Variants in PDE4B observed in about 807,000 individuals in gnomAD.
The protein encoded by PDE4B is 3',5'-cyclic-AMP phosphodiesterase 4B.
In PDE4B, 20 loss-of-function variants were observed where a neutral mutation model predicts 82.2. That is an observed-to-expected ratio of 0.24 (90% CI 0.17 to 0.35). The LOEUF is 0.35. PDE4B is among the 10% of genes least tolerant of loss of function. PDE4B has a pLI of 1.00. For synonymous variants in PDE4B, 320 were observed against 318.9 expected, an observed-to-expected ratio of 1.00 and a Z score of -0.04; for missense variants, 655 against 907.2, an observed-to-expected ratio of 0.72 and a Z score of 3.57.
rs571127904 is a variant in PDE4B, at chr1:66,059,879, T to C, written c.281+141044T>C. Among the ~76,000 whole-genome samples the C allele has an allele frequency of 5.4e-4, 83 of 152,338 alleles. 1 individual carries two copies. The South Asian group carries it at 0.017, about 31-fold the overall frequency. The stretch of plus-strand genomic sequence containing the variant: ...TGGCTATATCACATTGTTTTTAAGA[T>C]ACCTCTTACAATGGAACCCCTGAGA... On this transcript the variant is annotated intron_variant, in intron 3 of 16. Transcript: ENST00000341517.
chr1:65,942,780 T>C (rs146207153), intron 3 of PDE4B, among the ~76,000 whole-genome samples: 19 of 152,240 alleles, frequency 1.2e-4, no homozygotes, highest in African/African-American at 4.1e-4. Flanking sequence ...TGATTAGTGA[T>C]GTTGAACGTT....
chr1:66,196,873 T>C (rs897342403), intron 3 of PDE4B, among the ~76,000 whole-genome samples: 1 of 151,034 alleles, frequency 6.6e-6, no homozygotes, highest in African/African-American at 2.4e-5. Flanking sequence ...GACAAGTTAG[T>C]GGGGGTAGCG....
chr1:66,010,719 A>C (rs1387222576), intron 3 of PDE4B, among the ~76,000 whole-genome samples: 3 of 148,594 alleles, frequency 2.0e-5, no homozygotes, highest in Middle Eastern at 3.5e-3. Context: ...ACTTTTTGAC[A>C]TCATGTGATG....
Position 66,368,915 on chromosome 1 carries a change from A to C in PDE4B, c.1791A>C (p.Gly597=). The C allele has an allele frequency of 6.2e-7, 1 of 1,613,490 alleles. No homozygotes were observed. Among genetic ancestry groups the C allele is most frequent in the Non-Finnish European group, 8.5e-7 (1 of 1,179,608 alleles). ...FQQGDKERER[G]MEISPMCDKH... ...AGGGAGACAAAGAGCGGGAGAGGGG[A>C]ATGGAAATTAGCCCAATGTGTGATA... The change falls in exon 16 of 17, where the codon GGA becomes GGC. Residue 597 remains glycine (G), a synonymous_variant. Transcript: ENST00000341517.
intron 1 of PDE4B, among the ~76,000 whole-genome samples, chr1:65,833,688 C>T (rs770154764): frequency 6.6e-5 from 10 of 152,086 alleles, no homozygotes; most frequent in African/African-American, 1.7e-4. Flanking sequence ...TCTCTTTCTC[C>T]GCCTTATTTT....
intron 1 of PDE4B, among the ~76,000 whole-genome samples, chr1:65,906,733 T>C (rs1647031982): frequency 6.6e-6 from 1 of 152,168 alleles, no homozygotes; most frequent in Non-Finnish European, 1.5e-5. Flanking sequence ...TTTGTCACCA[T>C]GTGTATTGAT....
At chr1:65,825,649 C>G (rs1289644343) in intron 1 of PDE4B, among the ~76,000 whole-genome samples, 1 of 151,874 alleles carries the variant, frequency 6.6e-6, no homozygotes, top group Non-Finnish European at 1.5e-5. Flanking sequence ...AGTTCAAGAC[C>G]AGCCTAGGCA....
intron 3 of PDE4B, among the ~76,000 whole-genome samples, chr1:66,051,622 G>A (rs552102706): frequency 2.8e-4 from 42 of 152,170 alleles, no homozygotes; most frequent in African/African-American, 9.6e-4. Flanking sequence ...TTAGATGACA[G>A]TTTACAAAGT....
At chr1:66,242,086 A>T (rs1236211049) in intron 3 of PDE4B, among the ~76,000 whole-genome samples, 1 of 152,172 alleles carries the variant, frequency 6.6e-6, no homozygotes, top group Non-Finnish European at 1.5e-5. Context: ...AAGTAAACAC[A>T]AGAGTATAGT....
chr1:66,101,214 C>G (rs1256211988), intron 3 of PDE4B, among the ~76,000 whole-genome samples: 1 of 152,168 alleles, frequency 6.6e-6, no homozygotes, highest in African/African-American at 2.4e-5. Context: ...GCCACATTTT[C>G]TTAATCCAGT....
intron 7 of PDE4B, among the ~76,000 whole-genome samples, chr1:66,268,790 C>T (rs961691772): frequency 6.6e-6 from 1 of 151,564 alleles, no homozygotes; most frequent in African/African-American, 2.4e-5. Flanking sequence ...TGCAAATGTC[C>T]TTACTTTGCA....
At chr1:66,365,866 T>G in intron 13 of PDE4B, 100 bp downstream of exon 13, 1 of 620,676 alleles carries the variant, frequency 1.6e-6, no homozygotes, top group Non-Finnish European at 2.8e-6. Context: ...ACAAGGATAA[T>G]AATGAGGCAA....
In PDE4B at chr1:66,279,423, A is replaced by C. The variant is rs529657226; in HGVS notation, c.634+13336A>C. 1.5e-4 allele frequency among the ~76,000 whole-genome samples: 23 copies of C among 152,308 alleles called. No homozygotes were observed. The South Asian group carries it at 1.9e-3, about 12-fold the overall frequency. On this transcript the variant is annotated intron_variant, in intron 7 of 16. Transcript: ENST00000341517. ...TACATTACTTGAGGCCAGGAGTTCA[A>C]GACCAGCCTGGCCAACATAGTGAAA... is the stretch of plus-strand genomic sequence containing the variant.
intron 3 of PDE4B, among the ~76,000 whole-genome samples, chr1:66,010,240 TAAATA>T (rs1303686113): frequency 6.6e-6 from 1 of 151,980 alleles, no homozygotes; most frequent in Non-Finnish European, 1.5e-5. Flanking sequence ...TATTATGTGA[TAAATA>T]AAATAGTAAA....
At chr1:66,045,688 G>A (rs1654668780) in intron 3 of PDE4B, among the ~76,000 whole-genome samples, 1 of 151,352 alleles carries the variant, frequency 6.6e-6, no homozygotes, top group Non-Finnish European at 1.5e-5. Context: ...ACATAAAGAT[G>A]TAATATATAT....
At chr1:65,993,786 A>G (rs991877301) in intron 3 of PDE4B, among the ~76,000 whole-genome samples, 1 of 152,150 alleles carries the variant, frequency 6.6e-6, no homozygotes, top group Non-Finnish European at 1.5e-5. Flanking sequence ...TTTAAAATTT[A>G]TAGCTATTTT....
chr1:66,098,712 C>A (rs751449101), intron 3 of PDE4B, among the ~76,000 whole-genome samples: 1 of 152,068 alleles, frequency 6.6e-6, no homozygotes, highest in African/African-American at 2.4e-5. Flanking sequence ...CTATAATGGG[C>A]GTACCTGTTG....
intron 7 of PDE4B, among the ~76,000 whole-genome samples, chr1:66,304,706 C>T (rs1051450065): frequency 2.6e-5 from 4 of 152,096 alleles, no homozygotes. Flanking sequence ...ACTAAATTCT[C>T]GTAGACCCAG....
chr1:66,351,284 C>T (rs1466827189), intron 8 of PDE4B, among the ~76,000 whole-genome samples: 1 of 152,196 alleles, frequency 6.6e-6, no homozygotes, highest in Non-Finnish European at 1.5e-5. Context: ...TATCTGTGTA[C>T]ATGAGATGGT....
Sources: gnomAD v4.1 joint callset for allele counts (sites outside exome capture counted in the v4.1 genomes callset) on GRCh38, gnomAD v4.1.1 for gene constraint, MANE v1.5 for transcripts, NCBI Gene and HGNC (gene_info 2026-07-23, HGNC 2026-07-21) for gene names.